The following IQCM variants were observed in gnomAD, a reference collection of about 807,000 sequenced individuals.
The protein encoded by IQCM is IQ domain-containing protein M.
A neutral mutation model predicts 57.6 loss-of-function variants in IQCM; 45 were observed. The ratio of observed to expected loss-of-function variants is 0.78; its 90% CI spans 0.62 to 1.00. The LOEUF is 1.00. Ranked by LOEUF, IQCM falls within the 50% of genes least tolerant of loss-of-function variation. The pLI is 0.00. For missense variants in IQCM, 468 were observed against 511.6 expected (o/e 0.91, Z 0.82); for synonymous variants, 148 against 158.9 (o/e 0.93, Z 0.51).
chr4:149,406,879 T>C (rs945456952), intron 13 of IQCM, among the ~76,000 whole-genome samples: 1 of 152,106 alleles, frequency 6.6e-6, no homozygotes, highest in Non-Finnish European at 1.5e-5. Flanking sequence ...AAAACAGGTT[T>C]AATGGACTCA....
At chr4:149,814,794 A>G (rs1441282940) in intron 2 of IQCM, among the ~76,000 whole-genome samples, 5 of 152,008 alleles carry the variant, frequency 3.3e-5, no homozygotes, top group South Asian at 4.1e-4. Context: ...TAAAAAATGT[A>G]TAATACTGAT....
chr4:149,560,868 G>T (rs954659339), intron 10 of IQCM, among the ~76,000 whole-genome samples: 4 of 152,124 alleles, frequency 2.6e-5, no homozygotes, highest in Non-Finnish European at 5.9e-5. Context: ...CCAGCGGAGG[G>T]ACTGCCACAG....
intron 2 of IQCM, among the ~76,000 whole-genome samples, chr4:149,796,904 A>G (rs1410448186): frequency 6.6e-6 from 1 of 152,222 alleles, no homozygotes; most frequent in Non-Finnish European, 1.5e-5. Context: ...ACAACACCCA[A>G]GTCATTTCAA....
At chr4:149,370,866 G>T (rs1730320402) in intron 13 of IQCM, among the ~76,000 whole-genome samples, 1 of 120,654 alleles carries the variant, frequency 8.3e-6, no homozygotes, top group Non-Finnish European at 1.9e-5. Context: ...TAGCAAATGT[G>T]TATTTTTATT....
In IQCM at chr4:149,371,152, C is replaced by A. The variant is rs370398958; in HGVS notation, c.1391-19086G>T. Among the ~76,000 whole-genome samples, 22 of 152,198 alleles carry A rather than the reference C, an allele frequency of 1.4e-4. No individual in the cohort carries two copies. In the East Asian group the frequency reaches 4.3e-3, roughly 29 times the overall value. On this transcript the variant is annotated intron_variant, in intron 13 of 13. Transcript: ENST00000636793. ...TCTACATCTATGGAAGGGCTGGGAG[C>A]AGGATGTGTTTATAGGGTAAATATG...
intron 12 of IQCM, among the ~76,000 whole-genome samples, chr4:149,544,788 A>G (rs1282508324): frequency 1.3e-5 from 2 of 152,188 alleles, no homozygotes; most frequent in Non-Finnish European, 2.9e-5. Flanking sequence ...AGAATACGCA[A>G]TAGGGAAAGG....
chr4:149,565,873 T>C (rs1750579120), intron 9 of IQCM, among the ~76,000 whole-genome samples: 1 of 152,216 alleles, frequency 6.6e-6, no homozygotes, highest in South Asian at 2.1e-4. Context: ...GTAGCTCTTT[T>C]GTATCAGTGG....
Position 149,442,971 on chromosome 4 carries a change from G to C in IQCM, c.1229-9414C>G, listed in dbSNP as rs1013568130. On this transcript the variant is annotated intron_variant, in intron 12 of 13. Transcript: ENST00000636793. ...ACACACACAGAGAGAGAGAGAGAGA[G>C]AGAGAGAGAGAGAGAGAGAGAGAAA... is the stretch of plus-strand genomic sequence containing the variant. Among the ~76,000 whole-genome samples the C allele has an allele frequency of 2.3e-3, 352 of 151,352 alleles. 3 individuals are homozygous for C. The highest frequency in any genetic ancestry group is 4.3e-3 in the Non-Finnish European group (289 of 67,690).
intron 7 of IQCM, among the ~76,000 whole-genome samples, chr4:149,660,279 GA>G (rs1760058488): frequency 6.6e-6 from 1 of 152,074 alleles, no homozygotes; most frequent in South Asian, 2.1e-4. Flanking sequence ...AAACCACAAT[GA>G]GATACCACCT....
intron 12 of IQCM, among the ~76,000 whole-genome samples, chr4:149,456,477 C>T (rs1737713830): frequency 6.6e-6 from 1 of 152,066 alleles, no homozygotes; most frequent in South Asian, 2.1e-4. Context: ...AATGTATACA[C>T]ATATCCTGAA....
intron 7 of IQCM, among the ~76,000 whole-genome samples, chr4:149,639,030 A>G (rs1757959239): frequency 6.6e-6 from 1 of 152,252 alleles, no homozygotes; most frequent in Admixed American, 6.5e-5. Context: ...ATTGAGAAGG[A>G]GCCAAAGGGA....
intron 13 of IQCM, among the ~76,000 whole-genome samples, chr4:149,381,556 A>G (rs1214894992): frequency 1.3e-5 from 2 of 151,844 alleles, no homozygotes; most frequent in East Asian, 3.9e-4. Flanking sequence ...TGTTCACTCC[A>G]CTTCTTGGGA....
chr4:149,402,151 G>A, intron 13 of IQCM, among the ~76,000 whole-genome samples: 1 of 151,732 alleles, frequency 6.6e-6, no homozygotes, highest in South Asian at 2.1e-4. Flanking sequence ...ATTCCATTAA[G>A]GCACAAAACA....
chr4:149,498,451 C>A (rs1742895970), intron 12 of IQCM, among the ~76,000 whole-genome samples: 1 of 152,112 alleles, frequency 6.6e-6, no homozygotes, highest in South Asian at 2.1e-4. Flanking sequence ...TGGAAAGTAG[C>A]CAGGCTTCGA....
intron 12 of IQCM, among the ~76,000 whole-genome samples, chr4:149,462,232 C>T (rs1274979353): frequency 1.3e-5 from 2 of 152,234 alleles, no homozygotes; most frequent in African/African-American, 2.4e-5. Flanking sequence ...ATCAATGTAG[C>T]GGATACCACC....
intron 12 of IQCM, among the ~76,000 whole-genome samples, chr4:149,489,469 AT>A (rs1741861027): frequency 6.6e-6 from 1 of 152,096 alleles, no homozygotes; most frequent in South Asian, 2.1e-4. Context: ...GTGCTACAGT[AT>A]ATAAGCTAAT....
chr4:149,673,748 G>A (rs898637687), intron 7 of IQCM, among the ~76,000 whole-genome samples: 6 of 152,106 alleles, frequency 3.9e-5, no homozygotes, highest in African/African-American at 7.2e-5. Flanking sequence ...TCCAGGAATT[G>A]AACTCAGCTC....
At chr4:149,531,180 A>G (rs1450315330) in intron 12 of IQCM, among the ~76,000 whole-genome samples, 2 of 152,180 alleles carry the variant, frequency 1.3e-5, no homozygotes, top group Non-Finnish European at 2.9e-5. Context: ...ATAAGATTCT[A>G]TGAAGAACTA....
chr4:149,688,180 T>C (rs1762684662), intron 5 of IQCM, among the ~76,000 whole-genome samples: 1 of 151,940 alleles, frequency 6.6e-6, no homozygotes, highest in Non-Finnish European at 1.5e-5. Flanking sequence ...GCTGAAGATA[T>C]GATCATTTAC....
Sources: gnomAD v4.1 joint callset for allele counts (sites outside exome capture counted in the v4.1 genomes callset) on GRCh38, gnomAD v4.1.1 for gene constraint, MANE v1.5 for transcripts, NCBI Gene and HGNC (gene_info 2026-07-23, HGNC 2026-07-21) for gene names.